PDGFRA: variants seen among roughly 807,000 people sequenced by gnomAD.
The protein encoded by PDGFRA is platelet-derived growth factor receptor alpha.
PDGFRA carries 25 observed loss-of-function variants against 121.5 expected under a neutral mutation model. The observed-to-expected ratio is 0.21, with a 90% CI of 0.15 to 0.29. The LOEUF is 0.29. PDGFRA is among the 10% of genes least tolerant of loss of function. PDGFRA has a pLI of 1.00. For synonymous variants in PDGFRA, 463 were observed against 494.8 expected (o/e 0.94, Z 0.85); for missense variants, 1,008 against 1,345.1 (o/e 0.75, Z 3.92).
chr4:54,253,843 C>A lies in PDGFRA; in HGVS notation c.-12-4914C>A, dbSNP rs539319008. 4.6e-5 allele frequency among the ~76,000 whole-genome samples: 7 copies of A among 152,162 alleles called. No individual in the cohort carries two copies. The South Asian group carries it at 1.5e-3, about 32-fold the overall frequency. On this transcript the variant is annotated intron_variant, in intron 1 of 22. Transcript: ENST00000257290. ...GGAACTACAGGAGTGTGCCACCATG[C>A]CCGGCTAATGTTTTTATTTTTAGTA...
At chr4:54,294,923 G>C (rs41279525) in intron 22 of PDGFRA, among the ~76,000 whole-genome samples, 4,202 of 152,306 alleles carry the variant, frequency 0.028, 66 homozygotes, top group Middle Eastern at 0.044. Flanking sequence ...AGAAAAGCAG[G>C]AAAGCTGAAG....
chr4:54,249,327 A>C (rs1314755298), intron 1 of PDGFRA, among the ~76,000 whole-genome samples: 1 of 152,234 alleles, frequency 6.6e-6, no homozygotes, highest in Non-Finnish European at 1.5e-5. Context: ...ATAAAGACAC[A>C]TGCACACGTA....
intron 1 of PDGFRA, among the ~76,000 whole-genome samples, chr4:54,246,007 G>A (rs1397866667): frequency 6.6e-6 from 1 of 152,132 alleles, no homozygotes; most frequent in Admixed American, 6.6e-5. Context: ...TCAACAGGAA[G>A]AGCTAACTAT....
intron 1 of PDGFRA, among the ~76,000 whole-genome samples, chr4:54,250,484 C>T (rs188782097): frequency 1.3e-4 from 20 of 152,266 alleles, no homozygotes; most frequent in Admixed American, 9.8e-4. Flanking sequence ...TTGGACTATA[C>T]TTATATAAAT....
chr4:54,263,835 A>G lies in PDGFRA; in HGVS notation c.536A>G (p.Asn179Ser), dbSNP rs1722887793. The change falls in exon 4 of 23, where the codon AAT becomes AGT. Residue 179 changes from asparagine to serine, a missense_variant. Asn to Ser is a conservative substitution (Grantham distance 46). Transcript: ENST00000257290. ...TCCTACGACAGCAGACAGGGCTTTA[A>G]TGGGACCTTCACTGTAGGGCCCTAT... Reference protein sequence around the residue: ...PASYDSRQGFNGTFTVGPYIC... With the variant: ...PASYDSRQGFSGTFTVGPYIC... The G allele has an allele frequency of 6.8e-6, 11 of 1,613,938 alleles. No homozygotes were observed. Among genetic ancestry groups the G allele is most frequent in the Non-Finnish European group, 9.3e-6 (11 of 1,179,966 alleles).
chr4:54,231,394 A>G (rs1338310401), intron 1 of PDGFRA, among the ~76,000 whole-genome samples: 1 of 152,108 alleles, frequency 6.6e-6, no homozygotes, highest in African/African-American at 2.4e-5. Flanking sequence ...TGGAGCAGGG[A>G]GCATCCAGGG....
chr4:54,264,462 TG>T (rs1338793578), intron 4 of PDGFRA: 1 of 247,630 alleles, frequency 4.0e-6, no homozygotes, highest in African/African-American at 2.3e-5. Flanking sequence ...CAGCTAATTT[TG>T]TGCCAGGCAC....
chr4:54,296,150 G>C lies in PDGFRA; in HGVS notation c.*878G>C, dbSNP rs1724869215. ...AACAAAGTAAAAGTAGTGTTGTCCA[G>C]GAAGTCAGAATTTTTAACTGTACTG... On this transcript the variant is annotated 3_prime_UTR_variant, in exon 23 of 23. Coordinates refer to ENST00000257290, the MANE Select transcript of PDGFRA (RefSeq NM_006206.6). 1 of 232,842 alleles carries C rather than the reference G, an allele frequency of 4.3e-6. No homozygotes were observed. The highest frequency in any genetic ancestry group is 8.5e-6 in the Non-Finnish European group (1 of 117,650). The allele number at this position is 232,842 out of a possible 1,614,324, so 14.4% of individuals were successfully genotyped here.
At chr4:54,260,700 G>C (rs1315055388) in intron 2 of PDGFRA, among the ~76,000 whole-genome samples, 1 of 151,988 alleles carries the variant, frequency 6.6e-6, no homozygotes, top group East Asian at 1.9e-4. Flanking sequence ...GAGCCTCTGC[G>C]CCCCAGCCTC....
chr4:54,245,242 G>C lies in PDGFRA; in HGVS notation c.-12-13515G>C, dbSNP rs373093716. ...ACGCCACAAAGATACTCCTCGAGAA[G>C]AGCAACTCCAAGACACATAATTGTC... On this transcript the variant is annotated intron_variant, in intron 1 of 22. Transcript: ENST00000257290. 1.2e-3 allele frequency among the ~76,000 whole-genome samples: 178 copies of C among 152,246 alleles called. 3 individuals are homozygous for C. In the East Asian group the frequency reaches 0.024, roughly 20 times the overall value.
At chr4:54,275,588 A>G (rs1723675867) in intron 12 of PDGFRA, among the ~76,000 whole-genome samples, 1 of 152,248 alleles carries the variant, frequency 6.6e-6, no homozygotes, top group South Asian at 2.1e-4. Flanking sequence ...AAATGAAAGT[A>G]GAGGTAGAGG....
chr4:54,288,413 G>T (rs1000493457), intron 19 of PDGFRA, among the ~76,000 whole-genome samples: 12 of 152,114 alleles, frequency 7.9e-5, no homozygotes, highest in African/African-American at 2.7e-4. Context: ...CCACAACTTT[G>T]ATTTTTGCTT....
intron 1 of PDGFRA, among the ~76,000 whole-genome samples, chr4:54,247,185 T>C (rs1383885698): frequency 6.6e-6 from 1 of 151,944 alleles, no homozygotes. Context: ...TTCCAATCAA[T>C]AGAAAAAGAG....
At chr4:54,250,227 A>T (rs977330022) in intron 1 of PDGFRA, among the ~76,000 whole-genome samples, 4 of 152,206 alleles carry the variant, frequency 2.6e-5, no homozygotes, top group Non-Finnish European at 4.4e-5. Flanking sequence ...GAAATCTTTG[A>T]GTTATCATTT....
At chr4:54,253,097 T>C (rs1722145756) in intron 1 of PDGFRA, among the ~76,000 whole-genome samples, 1 of 152,116 alleles carries the variant, frequency 6.6e-6, no homozygotes, top group Admixed American at 6.6e-5. Flanking sequence ...GGGAGTGGAC[T>C]GCTGGTGTGG....
At chr4:54,284,887 T>C (rs1163426183) in intron 16 of PDGFRA, among the ~76,000 whole-genome samples, 10 of 134,966 alleles carry the variant, frequency 7.4e-5, no homozygotes, top group Admixed American at 3.7e-4. Context: ...ATCTTTTTTT[T>C]TTTTTTTTTT....
intron 3 of PDGFRA, among the ~76,000 whole-genome samples, chr4:54,262,493 T>C (rs1722804640): frequency 6.6e-6 from 1 of 152,216 alleles, no homozygotes; most frequent in African/African-American, 2.4e-5. Context: ...ACCTAAACTG[T>C]TTATGATTCT....
At chr4:54,238,287 A>T (rs67432867) in intron 1 of PDGFRA, among the ~76,000 whole-genome samples, 38,626 of 152,078 alleles carry the variant, frequency 0.25, 5,291 homozygotes, top group African/African-American at 0.33. Context: ...AAAAACTTTG[A>T]TTAGGCTATT....
In PDGFRA at chr4:54,263,728, T is replaced by C. The variant is rs1553902692; in HGVS notation, c.429T>C (p.Asp143=). ...ATTATTTAGTCATCGTGGAGGATGA[T>C]GATTCTGCCATTATACCTTGTCGCA... ...MTDYLVIVED[D]DSAIIPCRTT... Residue 143 remains aspartate, a synonymous_variant, in exon 4 of 23, where the codon GAT becomes GAC. Transcript: ENST00000257290. The C allele has an allele frequency of 6.2e-7, 1 of 1,613,882 alleles. No individual in the cohort carries two copies. The highest frequency in any genetic ancestry group is 8.5e-7 in the Non-Finnish European group (1 of 1,179,750).
Sources: gnomAD v4.1 joint callset for allele counts (sites outside exome capture counted in the v4.1 genomes callset) on GRCh38, gnomAD v4.1.1 for gene constraint, MANE v1.5 for transcripts, NCBI Gene and HGNC (gene_info 2026-07-23, HGNC 2026-07-21) for gene names.